Variants in NANP observed in about 807,000 individuals in gnomAD.
NANP encodes N-acylneuraminate-9-phosphatase.
In NANP, 15 loss-of-function variants were observed where a neutral mutation model predicts 16.9. That is an observed-to-expected ratio of 0.89 (90% CI 0.59 to 1.37). The LOEUF (loss-of-function observed/expected upper bound fraction) is 1.37, where lower values mean the gene tolerates loss of function less well. Among genes scored for constraint, NANP ranks in the 40% most tolerant of loss-of-function variants. The probability of loss-of-function intolerance (pLI) is 0.00; values close to 1 mark genes in which losing one functional copy is unlikely to be tolerated. For synonymous variants in NANP, 135 were observed against 112.6 expected (o/e 1.20, Z -1.26); for missense variants, 290 against 303.5 (o/e 0.96, Z 0.33).
chr20:25,620,460 G>C (rs2122208581), intron 1 of NANP, among the ~76,000 whole-genome samples: 1 of 152,312 alleles, frequency 6.6e-6, no homozygotes, highest in African/African-American at 2.4e-5. Context: ...CTATTCTTCT[G>C]TCTGCTCCCT....
chr20:25,621,068 C>A (rs749722991), intron 1 of NANP, among the ~76,000 whole-genome samples: 2 of 152,016 alleles, frequency 1.3e-5, no homozygotes, highest in Non-Finnish European at 2.9e-5. Context: ...GGATCCAGCA[C>A]GACAGAAGGG....
intron 1 of NANP, among the ~76,000 whole-genome samples, chr20:25,622,886 A>G (rs2065371550): frequency 6.6e-6 from 1 of 152,214 alleles, no homozygotes; most frequent in African/African-American, 2.4e-5. Context: ...GACAGGCAAC[A>G]TCTACAGCAG....
chr20:25,617,014 C>T (rs1383788134), intron 1 of NANP, among the ~76,000 whole-genome samples: 2 of 152,062 alleles, frequency 1.3e-5, no homozygotes, highest in Non-Finnish European at 2.9e-5. Flanking sequence ...TATCGAGACC[C>T]CATCTTAAAA....
At chr20:25,623,148 A>G (rs2065373414) in intron 1 of NANP, among the ~76,000 whole-genome samples, 1 of 152,176 alleles carries the variant, frequency 6.6e-6, no homozygotes. Context: ...AAGGTAGAGA[A>G]AGGGAAGCCG....
intron 1 of NANP, 60 bp downstream of exon 1, chr20:25,623,799 G>T: frequency 6.7e-7 from 1 of 1,488,504 alleles, no homozygotes; most frequent in Non-Finnish European, 9.2e-7. Flanking sequence ...AGGTGAGCGT[G>T]CAGGACGGGG....
chr20:25,622,332 T>C (rs1001736806), intron 1 of NANP, among the ~76,000 whole-genome samples: 1 of 152,264 alleles, frequency 6.6e-6, no homozygotes, highest in African/African-American at 2.4e-5. Context: ...GTTCGCTGAG[T>C]GGACACTGCA....
At position 25,616,151 on chromosome 20, in the gene NANP, C is replaced by T; in HGVS notation, c.521G>A (p.Cys174Tyr). 1.2e-6 allele frequency: 2 copies of T among 1,614,134 alleles called. No individual in the cohort carries two copies. The highest frequency in any genetic ancestry group is 1.7e-6 in the Non-Finnish European group (2 of 1,180,032). Residue 174 changes from cysteine to tyrosine, a missense_variant, in exon 2 of 2, where the codon TGC becomes TAC. Cys to Tyr is a radical substitution (Grantham distance 194). Transcript: ENST00000304788. ...CCCAGGTTGTACTCCGAGAAGATTGCAGCAGTAATAAAATATGGACGGTGC... is the reference window on the plus strand; with the variant it reads ...CCCAGGTTGTACTCCGAGAAGATTGTAGCAGTAATAAAATATGGACGGTGC... The part of the protein sequence containing the change: ...KPAPSIFYYC[C>Y]NLLGVQPGDC...
At chr20:25,623,787 G>C in intron 1 of NANP, 72 bp downstream of exon 1, 1 of 1,396,266 alleles carries the variant, frequency 7.2e-7, no homozygotes, top group Middle Eastern at 1.9e-4. Flanking sequence ...GGGGTCAAGG[G>C]GAGGTGAGCG....
chr20:25,623,386 G>A (rs1165543460), intron 1 of NANP, among the ~76,000 whole-genome samples: 2 of 152,252 alleles, frequency 1.3e-5, no homozygotes, highest in Non-Finnish European at 2.9e-5. Flanking sequence ...GGTACTGACA[G>A]CCGTGTCCCT....
rs764553822 is a variant in NANP, at chr20:25,616,171, C to T, written c.501G>A (p.Pro167=). 26 of 1,614,012 alleles carry T rather than the reference C, an allele frequency of 1.6e-5. No homozygotes were observed. The highest frequency in any genetic ancestry group is 1.9e-5 in the Non-Finnish European group (23 of 1,180,036). ...GGEQREEKPA[P]SIFYYCCNLL... ...GATTGCAGCAGTAATAAAATATGGA[C>T]GGTGCTGGTTTCTCCTCTCTCTGCT... is the stretch of plus-strand genomic sequence containing the variant. The change falls in exon 2 of 2, where the codon CCG becomes CCA. Residue 167 remains proline (P), a synonymous_variant. Coordinates refer to ENST00000304788, the MANE Select transcript of NANP (RefSeq NM_152667.3).
chr20:25,622,524 G>C (rs2065369193), intron 1 of NANP, among the ~76,000 whole-genome samples: 1 of 152,120 alleles, frequency 6.6e-6, no homozygotes, highest in Non-Finnish European at 1.5e-5. Flanking sequence ...GCAAGAATTG[G>C]CCTAAAGCAA....
intron 1 of NANP, among the ~76,000 whole-genome samples, chr20:25,617,220 T>G (rs1292069540): frequency 6.8e-6 from 1 of 146,900 alleles, no homozygotes; most frequent in South Asian, 2.1e-4. Context: ...TCTACACTTT[T>G]ATTTTTTTTG....
chr20:25,618,585 G>T (rs2065352820), intron 1 of NANP, among the ~76,000 whole-genome samples: 1 of 151,884 alleles, frequency 6.6e-6, no homozygotes, highest in African/African-American at 2.4e-5. Context: ...CCAAGTATGG[G>T]CCTCTCTGCT....
rs2065331149 is a variant in NANP, at chr20:25,613,745, A to G, written c.*2180T>C. The G allele has an allele frequency of 5.0e-6, 2 of 398,480 alleles. No homozygotes were observed. Among genetic ancestry groups the G allele is most frequent in the African/African-American group, 2.1e-5 (1 of 48,724 alleles). 24.7% of individuals were successfully genotyped at this position (398,480 alleles called of 1,614,324 possible). ...GAAGACAAGGAAATTTAATTATTCAATTTTTTCCTTCTACATCATTTCTGC... is the reference window on the plus strand; with the variant it reads ...GAAGACAAGGAAATTTAATTATTCAGTTTTTTCCTTCTACATCATTTCTGC... On this transcript the variant is annotated 3_prime_UTR_variant, in exon 2 of 2. Transcript: ENST00000304788.
intron 1 of NANP, 143 bp downstream of exon 1, chr20:25,623,716 G>T: frequency 1.3e-6 from 1 of 780,204 alleles, no homozygotes. Context: ...AGCCACCTCC[G>T]CACCCGCACG....
At chr20:25,618,090 C>T (rs2122205644) in intron 1 of NANP, among the ~76,000 whole-genome samples, 1 of 151,704 alleles carries the variant, frequency 6.6e-6, no homozygotes, top group African/African-American at 2.4e-5. Context: ...ACTTCCAAAG[C>T]CCACATGCTT....
chr20:25,623,317 G>A (rs2065374493), intron 1 of NANP, among the ~76,000 whole-genome samples: 2 of 152,252 alleles, frequency 1.3e-5, no homozygotes, highest in African/African-American at 2.4e-5. Flanking sequence ...ACCCCGCCAG[G>A]GAGGCCAGAA....
intron 1 of NANP, among the ~76,000 whole-genome samples, chr20:25,619,087 TCAGAGTAAAAGAATCA>T (rs2065354950): frequency 6.6e-6 from 1 of 151,006 alleles, no homozygotes; most frequent in African/African-American, 2.4e-5. Context: ...TTTTCTTCCC[TCAGAGTAAAAGAATCA>T]CAACAAAGGA....
At position 25,623,975 on chromosome 20, in the gene NANP, GC is replaced by G. The variant is rs2065380836; in HGVS notation, c.-28del. On this transcript the variant is annotated 5_prime_UTR_variant, in exon 1 of 2. Coordinates refer to ENST00000304788, the MANE Select transcript of NANP (RefSeq NM_152667.3). Reference sequence around the variant, plus strand: ...GCGCCGGCCGCTGGCGCGAACCGTAGCCTTGCCACCGCCGCCTGCGCATGCG... The same window carrying G: ...GCGCCGGCCGCTGGCGCGAACCGTAGCTTGCCACCGCCGCCTGCGCATGCG... 1 of 1,607,198 alleles carries G rather than the reference GC, an allele frequency of 6.2e-7. No individual in the cohort carries two copies. The highest frequency in any genetic ancestry group is 1.7e-5 in the Admixed American group (1 of 58,880).
Sources: gnomAD v4.1 joint callset for allele counts (sites outside exome capture counted in the v4.1 genomes callset) on GRCh38, gnomAD v4.1.1 for gene constraint, MANE v1.5 for transcripts, NCBI Gene and HGNC (gene_info 2026-07-23, HGNC 2026-07-21) for gene names.